PEBP4: variants seen among roughly 807,000 people sequenced by gnomAD.
PEBP4 encodes the protein phosphatidylethanolamine binding protein 4.
In PEBP4, 22 loss-of-function variants were observed where a neutral mutation model predicts 23.9. The ratio of observed to expected loss-of-function variants is 0.92; its 90% CI spans 0.66 to 1.31. The LOEUF (loss-of-function observed/expected upper bound fraction) is 1.31, where lower values mean the gene tolerates loss of function less well. Ranked by LOEUF, PEBP4 falls within the 40% of genes most tolerant of loss-of-function variation. The probability of loss-of-function intolerance (pLI) is 0.00; values close to 1 mark genes in which losing one functional copy is unlikely to be tolerated. For synonymous variants in PEBP4, 112 were observed against 99.3 expected (o/e 1.13, Z -0.76); for missense variants, 324 against 281.7 (o/e 1.15, Z -1.07).
chr8:22,890,154 A>G (rs1553774), intron 3 of PEBP4, among the ~76,000 whole-genome samples: 120,496 of 151,672 alleles, frequency 0.79, 49,600 homozygotes, highest in East Asian at 1. Context: ...TCCCCTGGGG[A>G]CTCAGCAACA....
At chr8:22,785,905 C>A (rs1485359420) in intron 4 of PEBP4, among the ~76,000 whole-genome samples, 1 of 152,210 alleles carries the variant, frequency 6.6e-6, no homozygotes, top group Non-Finnish European at 1.5e-5. Context: ...AAAATCTCAG[C>A]TCTGCTCCTT....
chr8:22,783,411 G>T (rs984357289), intron 4 of PEBP4, among the ~76,000 whole-genome samples: 3 of 152,178 alleles, frequency 2.0e-5, no homozygotes, highest in Non-Finnish European at 4.4e-5. Flanking sequence ...TTCCTCACTG[G>T]ATGCTTGTGC....
intron 3 of PEBP4, among the ~76,000 whole-genome samples, chr8:22,868,979 A>T (rs144677317): frequency 6.6e-5 from 10 of 152,182 alleles, no homozygotes; most frequent in Non-Finnish European, 1.5e-4. Flanking sequence ...ACCAGACCCT[A>T]CAGGATCTGC....
At chr8:22,767,528 T>C (rs1805633712) in intron 4 of PEBP4, among the ~76,000 whole-genome samples, 1 of 152,220 alleles carries the variant, frequency 6.6e-6, no homozygotes, top group Non-Finnish European at 1.5e-5. Flanking sequence ...TACGATAGAA[T>C]ACTATGATTG....
chr8:22,826,183 G>C (rs1030072771), intron 3 of PEBP4, among the ~76,000 whole-genome samples: 1 of 152,200 alleles, frequency 6.6e-6, no homozygotes, highest in African/African-American at 2.4e-5. Context: ...CTCAAGGTAA[G>C]TGTTCTTATC....
chr8:22,790,301 G>T (rs944920940), intron 4 of PEBP4, among the ~76,000 whole-genome samples: 5 of 152,184 alleles, frequency 3.3e-5, no homozygotes, highest in Admixed American at 3.3e-4. Context: ...TCCAGAGTGG[G>T]GGCAGAGACC....
chr8:22,810,213 T>G (rs1806589528), intron 4 of PEBP4, among the ~76,000 whole-genome samples: 1 of 152,212 alleles, frequency 6.6e-6, no homozygotes, highest in African/African-American at 2.4e-5. Context: ...TCCTACTTCC[T>G]TCCGCTGCTG....
At chr8:22,838,759 C>T (rs186203708) in intron 3 of PEBP4, among the ~76,000 whole-genome samples, 100 of 152,386 alleles carry the variant, frequency 6.6e-4, no homozygotes, top group Non-Finnish European at 9.6e-4. Flanking sequence ...CCGCCGCAGT[C>T]GCCAGGGCCC....
Position 22,920,284 on chromosome 8 carries a change from A to C in PEBP4, c.158T>G (p.Leu53Trp). 1 of 1,613,390 alleles carries C rather than the reference A, an allele frequency of 6.2e-7. No individual in the cohort carries two copies. The stretch of plus-strand genomic sequence containing the variant: ...AACAACCTTGCAGCCAATGTTCCCC[A>C]ACTCTGGGTAGAAAACTTCAAGGCC... ...CQGLEVFYPE[L>W]GNIGCKVVPD... The change falls in exon 3 of 7, where the codon TTG becomes TGG. Residue 53 changes from leucine (L) to tryptophan (W), a missense_variant. Transcript: ENST00000256404.
At chr8:22,776,817 C>T (rs1444623008) in intron 4 of PEBP4, among the ~76,000 whole-genome samples, 1 of 149,718 alleles carries the variant, frequency 6.7e-6, no homozygotes, top group Non-Finnish European at 1.5e-5. Flanking sequence ...AATCCCATGC[C>T]AGCTGACTCC....
intron 3 of PEBP4, among the ~76,000 whole-genome samples, chr8:22,833,625 C>T (rs750876645): frequency 4.6e-5 from 7 of 152,182 alleles, no homozygotes; most frequent in Admixed American, 2.6e-4. Flanking sequence ...GATATGATTT[C>T]GAATGTGGGT....
intron 3 of PEBP4, among the ~76,000 whole-genome samples, chr8:22,892,004 C>T (rs1039644000): frequency 4.6e-5 from 7 of 151,324 alleles, no homozygotes; most frequent in Non-Finnish European, 8.8e-5. Flanking sequence ...ACCCGGGAGG[C>T]GGAACTTGCA....
intron 3 of PEBP4, among the ~76,000 whole-genome samples, chr8:22,831,425 C>T (rs549234754): frequency 5.6e-4 from 85 of 152,288 alleles, no homozygotes; most frequent in Admixed American, 1.4e-3. Flanking sequence ...ACAGTAGACA[C>T]TCAATAAATA....
chr8:22,880,882 C>A (rs926005944), intron 3 of PEBP4, among the ~76,000 whole-genome samples: 39 of 152,292 alleles, frequency 2.6e-4, no homozygotes, highest in African/African-American at 9.1e-4. Context: ...TGATGCAGTC[C>A]CCAAAGAAGG....
intron 4 of PEBP4, among the ~76,000 whole-genome samples, chr8:22,780,915 C>G (rs1193970507): frequency 6.6e-6 from 1 of 152,232 alleles, no homozygotes; most frequent in African/African-American, 2.4e-5. Flanking sequence ...GCCTGTCTTT[C>G]TTAGTGAATC....
At chr8:22,742,675 C>T (rs772701449) in intron 4 of PEBP4, among the ~76,000 whole-genome samples, 6 of 152,182 alleles carry the variant, frequency 3.9e-5, no homozygotes, top group Non-Finnish European at 8.8e-5. Flanking sequence ...TTCAGTCACT[C>T]GCCAACTGTG....
At position 22,823,632 on chromosome 8, in the gene PEBP4, G is replaced by A. The variant is rs529824102; in HGVS notation, c.259-5897C>T. Among the ~76,000 whole-genome samples, 6 of 151,928 alleles carry A rather than the reference G, an allele frequency of 3.9e-5. No homozygotes were observed. The South Asian group carries it at 1.0e-3, about 26-fold the overall frequency. ...CCAAACTGTTAACAGTAAATGTCATGAAGGGAAGATTGATATATCTAACTA... is the reference window on the plus strand; with the variant it reads ...CCAAACTGTTAACAGTAAATGTCATAAAGGGAAGATTGATATATCTAACTA... On this transcript the variant is annotated intron_variant, in intron 3 of 6. Coordinates refer to ENST00000256404, the MANE Select transcript of PEBP4 (RefSeq NM_144962.3).
intron 3 of PEBP4, among the ~76,000 whole-genome samples, chr8:22,871,459 C>CT (rs200615987): frequency 1.9e-4 from 28 of 147,356 alleles, no homozygotes; most frequent in Middle Eastern, 3.5e-3. Flanking sequence ...CCATAACATT[C>CT]TTTTTTTTTC....
chr8:22,842,890 C>T (rs1413796906), intron 3 of PEBP4, among the ~76,000 whole-genome samples: 2 of 152,188 alleles, frequency 1.3e-5, no homozygotes, highest in African/African-American at 4.8e-5. Context: ...TGCAGTGGCG[C>T]TAACTCTGCT....
Sources: gnomAD v4.1 joint callset for allele counts (sites outside exome capture counted in the v4.1 genomes callset) on GRCh38, gnomAD v4.1.1 for gene constraint, MANE v1.5 for transcripts, NCBI Gene and HGNC (gene_info 2026-07-23, HGNC 2026-07-21) for gene names.